Variants in HIRIP3 observed in about 807,000 individuals in gnomAD.
HIRIP3 encodes the protein HIRA-interacting protein 3.
In HIRIP3, 40 loss-of-function variants were observed where a neutral mutation model predicts 50.3. That is an observed-to-expected ratio of 0.79 (90% CI 0.62 to 1.03). The LOEUF (loss-of-function observed/expected upper bound fraction) is 1.03. Ranked by LOEUF, HIRIP3 falls within the 50% of genes least tolerant of loss-of-function variation. The probability of loss-of-function intolerance (pLI) is 0.00; values close to 1 mark genes in which losing one functional copy is unlikely to be tolerated. For missense variants in HIRIP3, 765 were observed against 705.4 expected, an observed-to-expected ratio of 1.08 and a Z score of -0.96; for synonymous variants, 318 against 261.6, an observed-to-expected ratio of 1.22 and a Z score of -2.08.
In HIRIP3 at chr16:29,994,062, C is replaced by T; in HGVS notation, c.1083G>A (p.Glu361=). The change falls in exon 4 of 7, where the codon GAG becomes GAA. Residue 361 remains glutamate, a synonymous_variant. Coordinates refer to ENST00000279392, the MANE Select transcript of HIRIP3 (RefSeq NM_003609.5). ...TTACCTCCCTCTCCAAGTCACTTTC[C>T]TCACCACTGGTGCTGCCCAGTCTGG... The part of the protein sequence containing the change: ...KMARLGSTSG[E]ESDLEREVSD... 1 of 1,612,774 alleles carries T rather than the reference C, an allele frequency of 6.2e-7. No individual in the cohort carries two copies. Among genetic ancestry groups the T allele is most frequent in the Middle Eastern group, 1.7e-4 (1 of 6,052 alleles).
chr16:29,994,972 C>G (rs1435408441), intron 3 of HIRIP3, 129 bp from the exon 4 acceptor site: 18 of 1,485,500 alleles, frequency 1.2e-5, no homozygotes, highest in Non-Finnish European at 1.7e-5. Context: ...TCTGTACTTG[C>G]TGTTCCCGGT....
Position 29,995,150 on chromosome 16 carries a change from G to C in HIRIP3, c.254C>G (p.Pro85Arg). 6.2e-7 allele frequency: 1 copy of C among 1,614,242 alleles called. No homozygotes were observed. Among genetic ancestry groups the C allele is most frequent in the Non-Finnish European group, 8.5e-7 (1 of 1,180,040 alleles). ...LTKKGKRPPT[P>R]CSDPERKRFR... ...CCTTTTTCTCTCCGGGTCGCTACAA[G>C]GGGTGGGAGGCCTCTTGCCCTTCTT... The change falls in exon 3 of 7, where the codon CCT (proline) becomes CGT (arginine). Residue 85 changes from proline to arginine, a missense_variant. Coordinates refer to ENST00000279392, the MANE Select transcript of HIRIP3 (RefSeq NM_003609.5).
rs570816593 is a variant in HIRIP3 at position 29,993,345 on chromosome 16, C to G, written c.1533G>C (p.Trp511Cys). ...GGGGTGCTGCTTCTCCTAAAGGGTT[C>G]CAGGCTGTACGTCTGCGTGGCCGGC... ...GSGRPRRRTA[W>C]NPLGEAAPPG... Residue 511 changes from tryptophan to cysteine, a missense_variant, in exon 7 of 7, where the codon TGG becomes TGC. Coordinates refer to ENST00000279392, the MANE Select transcript of HIRIP3 (RefSeq NM_003609.5). The G allele has an allele frequency of 9.0e-6, 14 of 1,549,752 alleles. No homozygotes were observed. Among genetic ancestry groups the G allele is most frequent in the African/African-American group, 1.4e-5 (1 of 73,050 alleles).
chr16:29,993,957 T>C lies in HIRIP3; in HGVS notation c.1188A>G (p.Thr396=), dbSNP rs765777153. 3 of 1,560,460 alleles carry C rather than the reference T, an allele frequency of 1.9e-6. No homozygotes were observed. The African/African-American group carries it at 4.1e-5, about 21-fold the overall frequency. Residue 396 remains threonine (T), a synonymous_variant, in exon 4 of 7, where the codon ACA becomes ACG. Coordinates refer to ENST00000279392, the MANE Select transcript of HIRIP3 (RefSeq NM_003609.5). ...SSKKSSRKGR[T]RSSSSSSDGS... ...CATCTGAGGAGGAAGAGGAGCTTCG[T>C]GTCCTGCCTTTCCTGGAGCTCTTCT...
rs2070005160 is a variant in HIRIP3 at position 29,993,098 on chromosome 16, A to C, written c.*109T>G. On this transcript the variant is annotated 3_prime_UTR_variant, in exon 7 of 7. Coordinates refer to ENST00000279392, the MANE Select transcript of HIRIP3 (RefSeq NM_003609.5). ...CATCCCAACAGCTTGTGTCCTTGGG[A>C]GCTGCAGTCTTCTCTGAAGGAAGCT... The C allele has an allele frequency of 1.0e-6, 1 of 962,782 alleles. No individual in the cohort carries two copies. The highest frequency in any genetic ancestry group is 2.1e-5 in the South Asian group (1 of 46,862). 59.6% of individuals were successfully genotyped at this position (962,782 alleles called of 1,614,324 possible).
intron 3 of HIRIP3, 38 bp downstream of exon 3, chr16:29,995,065 G>A (rs780061757): frequency 1.3e-6 from 2 of 1,588,498 alleles, no homozygotes; most frequent in East Asian, 2.2e-5. Context: ...GTGAACCAAC[G>A]ATGCAGAAGG....
In HIRIP3 at chr16:29,994,458, C is replaced by T. The variant is rs1284134186; in HGVS notation, c.687G>A (p.Glu229=). 1.2e-6 allele frequency: 2 copies of T among 1,613,924 alleles called. No homozygotes were observed. Among genetic ancestry groups the T allele is most frequent in the Admixed American group, 1.7e-5 (1 of 59,984 alleles). ...SLKESEQESE[E]EILAQKKEQR... ...GCTCTTTCTTCTGGGCTAGGATCTC[C>T]TCTTCACTCTCCTGTTCACTTTCCT... is the stretch of plus-strand genomic sequence containing the variant. Residue 229 remains glutamate, a synonymous_variant, in exon 4 of 7, where the codon GAG becomes GAA. Coordinates refer to ENST00000279392, the MANE Select transcript of HIRIP3 (RefSeq NM_003609.5).
chr16:29,995,695 T>C, upstream of HIRIP3: 1 of 1,506,150 alleles, frequency 6.6e-7, no homozygotes, highest in Non-Finnish European at 9.1e-7. Context: ...CGCGCAGTGC[T>C]GCGGCAACGT....
In HIRIP3 at chr16:29,993,410, G is replaced by A. The variant is rs1463853830; in HGVS notation, c.1508-40C>T. 1.9e-6 allele frequency: 3 copies of A among 1,583,848 alleles called. No individual in the cohort carries two copies. The African/African-American group carries it at 4.0e-5, about 21-fold the overall frequency. On this transcript the variant is annotated intron_variant, in intron 6 of 6. Coordinates refer to ENST00000279392, the MANE Select transcript of HIRIP3 (RefSeq NM_003609.5). The stretch of plus-strand genomic sequence containing the variant: ...AAACGAGAGATCAGATGTCTGAGAA[G>A]GTCCAACCCCACCTATCTGCTCCTG...
upstream of HIRIP3, chr16:29,995,985 A>G: frequency 1.8e-6 from 1 of 567,732 alleles, no homozygotes; most frequent in Non-Finnish European, 3.2e-6. Context: ...CGAGCAGATG[A>G]GGAACCTCGG....
intron 3 of HIRIP3, 77 bp from the exon 4 acceptor site, chr16:29,994,920 G>A (rs1210895683): frequency 2.6e-6 from 4 of 1,520,040 alleles, no homozygotes; most frequent in Admixed American, 2.1e-5. Context: ...AGGTTGCCTC[G>A]AGCCCTGCCC....
At chr16:29,995,304 G>A in intron 2 of HIRIP3, 39 bp downstream of exon 2, 3 of 1,609,024 alleles carry the variant, frequency 1.9e-6, no homozygotes, top group Non-Finnish European at 1.7e-6. Context: ...AGCAAGCCCC[G>A]CCTCCGCCTC....
rs995734052 is a variant in HIRIP3, at chr16:29,995,581, C to T, written c.25G>A (p.Glu9Lys). Reference sequence around the variant, plus strand: ...CCTCGGAAGAAGCTACGGGTGAACTCCTGCATCTCCTTCTCCCGCGCCATT... The same window carrying T: ...CCTCGGAAGAAGCTACGGGTGAACTTCTGCATCTCCTTCTCCCGCGCCATT... MAREKEMQ[E>K]FTRSFFRGRP... is the part of the protein sequence containing the mutation. Residue 9 changes from glutamate (E) to lysine (K), a missense_variant, in exon 1 of 7, where the codon GAG becomes AAG. Transcript: ENST00000279392. The T allele has an allele frequency of 1.9e-6, 3 of 1,612,480 alleles. No individual in the cohort carries two copies. Among genetic ancestry groups the T allele is most frequent in the Non-Finnish European group, 2.5e-6 (3 of 1,180,018 alleles).
Position 29,994,035 on chromosome 16 carries a change from A to C in HIRIP3, c.1110T>G (p.Ser370Arg), listed in dbSNP as rs1366564142. The C allele has an allele frequency of 1.2e-6, 2 of 1,610,472 alleles. No homozygotes were observed. Among genetic ancestry groups the C allele is most frequent in the African/African-American group, 2.7e-5 (2 of 74,658 alleles). Residue 370 changes from serine (S) to arginine (R), a missense_variant, in exon 4 of 7, where the codon AGT (serine) becomes AGG (arginine). Transcript: ENST00000279392. ...GGGGGCCTCCCCCTGCCTCGCTGTC[A>C]CTTACCTCCCTCTCCAAGTCACTTT... ...GEESDLEREV[S>R]DSEAGGGPQG...
Position 29,995,242 on chromosome 16 carries a change from CTA to C in HIRIP3, c.187-27_187-26del, listed in dbSNP as rs749746889. On this transcript the variant is annotated intron_variant, in intron 2 of 6. Coordinates refer to ENST00000279392, the MANE Select transcript of HIRIP3 (RefSeq NM_003609.5). ...CCTGTGTGTGCGCCAAGAGGGCAAACTATGCACCAAGGCTGCGCTCACCGCGC... is the reference window on the plus strand; with the variant it reads ...CCTGTGTGTGCGCCAAGAGGGCAAACTGCACCAAGGCTGCGCTCACCGCGC... 4.3e-6 allele frequency: 7 copies of C among 1,614,008 alleles called. No homozygotes were observed. In the African/African-American group the frequency reaches 5.3e-5, roughly 12 times the overall value.
At chr16:29,994,999 T>G in intron 3 of HIRIP3, 104 bp downstream of exon 3, 2 of 1,483,646 alleles carry the variant, frequency 1.3e-6, no homozygotes, top group Admixed American at 3.5e-5. Context: ...CTCACTAGCC[T>G]TGCTCCCTCA....
In HIRIP3 at chr16:29,993,750, A is replaced by AAGG. The variant is rs2070017651; in HGVS notation, c.1297_1298insCCT (p.Ile433delinsThrPhe). 1.2e-6 allele frequency: 2 copies of AAGG among 1,609,472 alleles called. No homozygotes were observed. On this transcript the variant is annotated protein_altering_variant, in exon 5 of 7. Transcript: ENST00000279392. ...GTTTCGATGGGCACCACAGGCCCGA[A>AAGG]TGTAGCGCTTCAGCCTCATCACAGC...
At position 29,994,346 on chromosome 16, in the gene HIRIP3, T is replaced by C. The variant is rs768873561; in HGVS notation, c.799A>G (p.Arg267Gly). The C allele has an allele frequency of 3.1e-6, 5 of 1,614,148 alleles. No homozygotes were observed. The South Asian group carries it at 4.4e-5, about 14-fold the overall frequency. Reference protein sequence around the residue: ...WKPRTRSNGRRKSAREERSCK... With the variant: ...WKPRTRSNGRGKSAREERSCK... ...CTCCTCTCCTCCCTAGCTGACTTTC[T>C]CCGGCCATTGCTCCTGGTTCTGGGT... The change falls in exon 4 of 7, where the codon AGA (arginine) becomes GGA (glycine). Residue 267 changes from arginine to glycine, a missense_variant. Arg to Gly is a moderately radical substitution (Grantham distance 125). Transcript: ENST00000279392.
rs746642279 is a variant in HIRIP3, at chr16:29,995,578, ACTC to A, written c.25_27del (p.Glu9del). On this transcript the variant is annotated inframe_deletion, in exon 1 of 7. Transcript: ENST00000279392. ...CGGCCTCGGAAGAAGCTACGGGTGA[ACTC>A]CTGCATCTCCTTCTCCCGCGCCATT... 11 of 1,612,056 alleles carry A rather than the reference ACTC, an allele frequency of 6.8e-6. No individual in the cohort carries two copies. The Admixed American group carries it at 1.5e-4, about 22-fold the overall frequency.
Sources: allele counts gnomAD v4.1 joint callset, GRCh38; gene constraint gnomAD v4.1.1; transcripts MANE v1.5; gene names NCBI Gene and HGNC (gene_info 2026-07-23, HGNC 2026-07-21).